Variants in SEMA3E observed in about 807,000 individuals in gnomAD.
SEMA3E encodes the protein semaphorin-3E.
In SEMA3E, 49 loss-of-function variants were observed where a neutral mutation model predicts 93.6. The observed-to-expected ratio is 0.52, with a 90% CI of 0.42 to 0.66. The LOEUF (loss-of-function observed/expected upper bound fraction) is 0.66. SEMA3E is among the 30% of genes least tolerant of loss of function. The probability of loss-of-function intolerance (pLI) is 0.00; values close to 1 mark genes in which losing one functional copy is unlikely to be tolerated. For missense variants in SEMA3E, 906 were observed against 964.8 expected (o/e 0.94, Z 0.81); for synonymous variants, 363 against 330.7 (o/e 1.10, Z -1.06).
chr7:83,447,234 T>C (rs753431257), intron 4 of SEMA3E, among the ~76,000 whole-genome samples: 18 of 152,116 alleles, frequency 1.2e-4, no homozygotes, highest in Non-Finnish European at 1.8e-4. Flanking sequence ...GGTGGACATA[T>C]AAAACTCTAT....
At chr7:83,537,556 T>C (rs1254626505) in intron 1 of SEMA3E, among the ~76,000 whole-genome samples, 1 of 152,182 alleles carries the variant, frequency 6.6e-6, no homozygotes, top group African/African-American at 2.4e-5. Context: ...CAGCAAAGAA[T>C]GAATGTCAGT....
chr7:83,492,149 G>A (rs1160127449), intron 1 of SEMA3E, among the ~76,000 whole-genome samples: 1 of 151,994 alleles, frequency 6.6e-6, no homozygotes, highest in Non-Finnish European at 1.5e-5. Flanking sequence ...GCACTAGCTT[G>A]AATAGGTTCC....
At chr7:83,532,601 C>A (rs1791323573) in intron 1 of SEMA3E, among the ~76,000 whole-genome samples, 1 of 152,114 alleles carries the variant, frequency 6.6e-6, no homozygotes, top group African/African-American at 2.4e-5. Context: ...AATCAGGAAT[C>A]TTGAAACCTG....
chr7:83,394,431 A>T, intron 12 of SEMA3E, 93 bp from the exon 13 acceptor site: 1 of 1,014,234 alleles, frequency 9.9e-7, no homozygotes, highest in South Asian at 1.4e-5. Context: ...CATTACTTAT[A>T]TAAGTGGTTA....
At chr7:83,525,954 ATTT>A (rs1038776006) in intron 1 of SEMA3E, among the ~76,000 whole-genome samples, 1 of 139,042 alleles carries the variant, frequency 7.2e-6, no homozygotes, top group Admixed American at 7.2e-5. Context: ...TTGGTAGGTT[ATTT>A]TTTTTTTTTT....
intron 16 of SEMA3E, among the ~76,000 whole-genome samples, chr7:83,379,402 T>G (rs1034216752): frequency 6.6e-6 from 1 of 151,912 alleles, no homozygotes; most frequent in African/African-American, 2.4e-5. Context: ...ATTTAAAAAC[T>G]ACTAGCTACC....
chr7:83,454,598 T>G (rs1390385851), intron 4 of SEMA3E, among the ~76,000 whole-genome samples: 1 of 152,198 alleles, frequency 6.6e-6, no homozygotes, highest in African/African-American at 2.4e-5. Flanking sequence ...ATGAGTTTAC[T>G]TTGTACTATA....
intron 4 of SEMA3E, among the ~76,000 whole-genome samples, chr7:83,431,806 C>T (rs1284528980): frequency 3.3e-5 from 5 of 152,124 alleles, no homozygotes; most frequent in South Asian, 2.1e-4. Context: ...GGCAAATTTG[C>T]GAGAACATGT....
At position 83,648,464 on chromosome 7, in the gene SEMA3E, C is replaced by T; in HGVS notation, c.79G>A (p.Asp27Asn). Residue 27 changes from aspartate to asparagine, a missense_variant, in exon 1 of 17, where the codon GAT (aspartate) becomes AAT (asparagine). Coordinates refer to ENST00000643230, the MANE Select transcript of SEMA3E (RefSeq NM_012431.3). ...AGGCGTAACCGGGGGTGGGTAGTATCAGCTGTATGACCTCCTGTCCAAAGC... is the reference window on the plus strand; with the variant it reads ...AGGCGTAACCGGGGGTGGGTAGTATTAGCTGTATGACCTCCTGTCCAAAGC... ...LELWTGGHTA[D>N]TTHPRLRLSH... 1 of 1,610,268 alleles carries T rather than the reference C, an allele frequency of 6.2e-7. No individual in the cohort carries two copies. The highest frequency in any genetic ancestry group is 8.5e-7 in the Non-Finnish European group (1 of 1,179,434).
chr7:83,500,678 C>T (rs928731415), intron 1 of SEMA3E, among the ~76,000 whole-genome samples: 9 of 145,400 alleles, frequency 6.2e-5, no homozygotes, highest in African/African-American at 2.0e-4. Flanking sequence ...CTGCAACCTC[C>T]GCCTCCCAGG....
At position 83,364,690 on chromosome 7, in the gene SEMA3E, T is replaced by A. The variant is rs1468140308; in HGVS notation, c.*2896A>T. ...TTGTTTTATGTCAAAACTAAGTCTA[T>A]CCACAGGTCCTCTCCTGTAACAAAG... On this transcript the variant is annotated 3_prime_UTR_variant, in exon 17 of 17. Coordinates refer to ENST00000643230, the MANE Select transcript of SEMA3E (RefSeq NM_012431.3). 1 of 152,192 alleles carries A rather than the reference T, an allele frequency of 6.6e-6. No homozygotes were observed. Among genetic ancestry groups the A allele is most frequent in the Non-Finnish European group, 1.5e-5 (1 of 68,034 alleles). The allele number at this position is 152,192 out of a possible 1,614,324, so 9.4% of individuals were successfully genotyped here. A position where few individuals can be genotyped will look rare whatever the true frequency, so the allele number is the denominator to read the frequency against.
intron 1 of SEMA3E, among the ~76,000 whole-genome samples, chr7:83,584,983 A>G (rs1479398872): frequency 6.6e-6 from 1 of 152,278 alleles, no homozygotes; most frequent in African/African-American, 2.4e-5. Context: ...CGTGAGCAAG[A>G]GTCGACATCC....
chr7:83,576,116 G>A lies in SEMA3E; in HGVS notation c.115+72312C>T, dbSNP rs549557467. On this transcript the variant is annotated intron_variant, in intron 1 of 16. Transcript: ENST00000643230. ...AGAAAGTATAAAAGTTATTTTAATT[G>A]TAAGAATTATACAAATGACAACTAT... Among the ~76,000 whole-genome samples the A allele has an allele frequency of 1.1e-4, 16 of 152,262 alleles. No individual in the cohort carries two copies. In the South Asian group the frequency reaches 3.3e-3, roughly 32 times the overall value.
chr7:83,614,035 G>A (rs1012733038), intron 1 of SEMA3E, among the ~76,000 whole-genome samples: 2 of 152,014 alleles, frequency 1.3e-5, no homozygotes, highest in Non-Finnish European at 2.9e-5. Flanking sequence ...ATGGAAGTGA[G>A]AATTATTTTC....
intron 2 of SEMA3E, among the ~76,000 whole-genome samples, chr7:83,472,147 C>T (rs544296199): frequency 2.6e-5 from 4 of 152,220 alleles, no homozygotes; most frequent in East Asian, 1.9e-4. Flanking sequence ...GTAAGAAAAT[C>T]GTTGGTATAT....
At chr7:83,380,534 C>G (rs118085958) in intron 16 of SEMA3E, among the ~76,000 whole-genome samples, 4,141 of 151,972 alleles carry the variant, frequency 0.027, 77 homozygotes, top group Non-Finnish European at 0.042. Context: ...TAACATTATT[C>G]TCTCTACTAA....
intron 4 of SEMA3E, among the ~76,000 whole-genome samples, chr7:83,423,388 A>G (rs1788706638): frequency 1.3e-5 from 2 of 152,112 alleles, no homozygotes; most frequent in African/African-American, 4.8e-5. Context: ...GACTTCAAAT[A>G]CCTATCTCAC....
At chr7:83,472,818 G>A (rs1789929452) in intron 2 of SEMA3E, among the ~76,000 whole-genome samples, 2 of 152,130 alleles carry the variant, frequency 1.3e-5, no homozygotes, top group South Asian at 4.1e-4. Flanking sequence ...TTGAATCATG[G>A]AGGCCGTTTC....
Position 83,495,185 on chromosome 7 carries a change from T to C in SEMA3E, c.116-4911A>G, listed in dbSNP as rs28374071. ...TTTAGATGTTCATGATGTTTAGATG[T>C]TCATTCATATATAGATGTTTATGAT... On this transcript the variant is annotated intron_variant, in intron 1 of 16. Transcript: ENST00000643230. Among the ~76,000 whole-genome samples, 823 of 152,010 alleles carry C rather than the reference T, an allele frequency of 5.4e-3. 9 individuals are homozygous for C. Among genetic ancestry groups the C allele is most frequent in the African/African-American group, 0.019 (779 of 41,526 alleles).
Sources: gnomAD v4.1 joint callset for allele counts (sites outside exome capture counted in the v4.1 genomes callset) on GRCh38, gnomAD v4.1.1 for gene constraint, MANE v1.5 for transcripts, NCBI Gene and HGNC (gene_info 2026-07-23, HGNC 2026-07-21) for gene names.